Variants in FRAS1 observed in about 807,000 individuals in gnomAD.
FRAS1 encodes the protein extracellular matrix organizing protein FRAS1.
FRAS1 carries 290 observed loss-of-function variants against 435.2 expected under a neutral mutation model. The observed-to-expected ratio is 0.67, with a 90% CI of 0.61 to 0.73. The LOEUF (loss-of-function observed/expected upper bound fraction) is 0.73. Among genes scored for constraint, FRAS1 ranks in the 30% least tolerant of loss-of-function variants. The pLI is 0.00. For missense variants in FRAS1, 4,860 were observed against 5,001.5 expected (o/e 0.97, Z 0.85); for synonymous variants, 1,800 against 1,851.0 (o/e 0.97, Z 0.71).
intron 17 of FRAS1, 60 bp from the exon 18 acceptor site, chr4:78,318,750 A>G (rs143525371): frequency 5.4e-6 from 8 of 1,481,026 alleles, no homozygotes; most frequent in Non-Finnish European, 5.4e-6. Flanking sequence ...GATTTAATGA[A>G]AGATTTGCAA....
At chr4:78,138,467 G>A (rs1720020471) in intron 2 of FRAS1, among the ~76,000 whole-genome samples, 1 of 152,188 alleles carries the variant, frequency 6.6e-6, no homozygotes, top group African/African-American at 2.4e-5. Flanking sequence ...TCCAGGATAT[G>A]TGTAGAGAAA....
At chr4:78,485,801 A>T (rs1172790401) in intron 58 of FRAS1, among the ~76,000 whole-genome samples, 1 of 152,180 alleles carries the variant, frequency 6.6e-6, no homozygotes, top group Non-Finnish European at 1.5e-5. Context: ...CTGGTTTCAT[A>T]TCCTACTACG....
chr4:78,174,206 T>C (rs1721670582), intron 2 of FRAS1, among the ~76,000 whole-genome samples: 1 of 152,246 alleles, frequency 6.6e-6, no homozygotes, highest in African/African-American at 2.4e-5. Context: ...CTGCTTTAAC[T>C]TGGAAATGTG....
intron 14 of FRAS1, among the ~76,000 whole-genome samples, chr4:78,293,527 CT>C (rs1728001796): frequency 6.6e-6 from 1 of 152,126 alleles, no homozygotes; most frequent in Non-Finnish European, 1.5e-5. Context: ...TTTTTCTTCT[CT>C]TTTCCTCATG....
At chr4:78,195,120 C>A (rs186188622) in intron 2 of FRAS1, among the ~76,000 whole-genome samples, 1 of 152,178 alleles carries the variant, frequency 6.6e-6, no homozygotes, top group Non-Finnish European at 1.5e-5. Flanking sequence ...GCTGCCTGAT[C>A]GTTCCTCCGG....
At chr4:78,417,649 A>T (rs1733604781) in intron 32 of FRAS1, among the ~76,000 whole-genome samples, 1 of 152,212 alleles carries the variant, frequency 6.6e-6, no homozygotes, top group Non-Finnish European at 1.5e-5. Context: ...GGATTGTTCT[A>T]ACCTGCAAAT....
Position 78,522,639 on chromosome 4 carries a change from C to T in FRAS1, c.10649-10C>T. The T allele has an allele frequency of 6.3e-7, 1 of 1,592,604 alleles. No homozygotes were observed. The highest frequency in any genetic ancestry group is 2.3e-5 in the East Asian group (1 of 44,220). ...AGTACATTAAATGCATGTGTTTCCC[C>T]TTCAAATAGGACAGTTTGTGATGGA... is the stretch of plus-strand genomic sequence containing the variant. On this transcript the variant is annotated splice_polypyrimidine_tract_variant and intron_variant, in intron 68 of 73. Coordinates refer to ENST00000512123, the MANE Select transcript of FRAS1 (RefSeq NM_025074.7).
intron 2 of FRAS1, among the ~76,000 whole-genome samples, chr4:78,200,172 T>TAA (rs943046091): frequency 2.6e-5 from 4 of 152,236 alleles, no homozygotes; most frequent in Admixed American, 1.3e-4. Flanking sequence ...GATGAAATGT[T>TAA]ACTGTCGACA....
At chr4:78,462,914 C>T (rs1289431644) in intron 47 of FRAS1, among the ~76,000 whole-genome samples, 1 of 152,052 alleles carries the variant, frequency 6.6e-6, no homozygotes, top group African/African-American at 2.4e-5. Flanking sequence ...AAAGATAAAG[C>T]AGTGATACTG....
At chr4:78,483,721 A>T (rs1199699532) in intron 58 of FRAS1, among the ~76,000 whole-genome samples, 1 of 146,156 alleles carries the variant, frequency 6.8e-6, no homozygotes, top group Non-Finnish European at 1.5e-5. Context: ...GGAGACAACA[A>T]TTTTAACCAG....
At chr4:78,168,829 G>A (rs1377113066) in intron 2 of FRAS1, among the ~76,000 whole-genome samples, 1 of 152,084 alleles carries the variant, frequency 6.6e-6, no homozygotes, top group Non-Finnish European at 1.5e-5. Context: ...AGGCTAGGCA[G>A]GTGCTAAAAG....
Position 78,440,117 on chromosome 4 carries a change from G to A in FRAS1, c.5530-1045G>A, listed in dbSNP as rs6838355. Among the ~76,000 whole-genome samples, 1,254 of 141,654 alleles carry A rather than the reference G, an allele frequency of 8.9e-3. 8 individuals are homozygous for A. The highest frequency in any genetic ancestry group is 0.026 in the Middle Eastern group (7 of 268). 92.9% of individuals were successfully genotyped at this position (141,654 alleles called of 152,430 possible). A position where few individuals can be genotyped will look rare whatever the true frequency, so the allele number is the denominator to read the frequency against. On this transcript the variant is annotated intron_variant, in intron 40 of 73. Coordinates refer to ENST00000512123, the MANE Select transcript of FRAS1 (RefSeq NM_025074.7). Reference sequence around the variant, plus strand: ...GCAATCTCGGCTCACTGCAAGCTCCGCTTCCCGGGTTCACGCCATTCTCCT... The same window carrying A: ...GCAATCTCGGCTCACTGCAAGCTCCACTTCCCGGGTTCACGCCATTCTCCT...
intron 29 of FRAS1, among the ~76,000 whole-genome samples, chr4:78,400,399 T>G (rs1331570994): frequency 6.6e-6 from 1 of 152,182 alleles, no homozygotes. Flanking sequence ...AATAGGTGCT[T>G]AATGAATAAT....
Position 78,489,000 on chromosome 4 carries a change from C to T in FRAS1, c.8878C>T (p.His2960Tyr), listed in dbSNP as rs750818317. The change falls in exon 59 of 74, where the codon CAT (histidine) becomes TAT (tyrosine). Residue 2960 changes from histidine to tyrosine, a missense_variant. Transcript: ENST00000512123. ...ATCAGTGAGGTGCTATACTCAGAGCCATTCCGCTCAGGTCATGGAGGACTT... is the reference window on the plus strand; with the variant it reads ...ATCAGTGAGGTGCTATACTCAGAGCTATTCCGCTCAGGTCATGGAGGACTT... ...ESSVRCYTQS[H>Y]SAQVMEDFEE... 6.2e-7 allele frequency: 1 copy of T among 1,613,716 alleles called. No homozygotes were observed. Among genetic ancestry groups the T allele is most frequent in the Admixed American group, 1.7e-5 (1 of 59,982 alleles).
At position 78,237,337 on chromosome 4, in the gene FRAS1, A is replaced by G. The variant is rs375663009; in HGVS notation, c.109-173A>G. Among the ~76,000 whole-genome samples the G allele has an allele frequency of 3.0e-3, 452 of 152,118 alleles. 2 individuals carry two copies. Among genetic ancestry groups the G allele is most frequent in the African/African-American group, 0.011 (439 of 41,492 alleles). ...GACTATTGTGAAATGGATTATACTG[A>G]TTATATTGCCTTGTGGGGTTTAATC... On this transcript the variant is annotated intron_variant, in intron 2 of 73. Transcript: ENST00000512123.
intron 19 of FRAS1, among the ~76,000 whole-genome samples, chr4:78,334,886 G>A (rs1453343840): frequency 6.6e-6 from 1 of 151,782 alleles, no homozygotes; most frequent in Non-Finnish European, 1.5e-5. Flanking sequence ...AGCCTCTCAA[G>A]TAGCTGGAAC....
chr4:78,373,774 AAATAAT>A lies in FRAS1; in HGVS notation c.3011-320_3011-315del, dbSNP rs58619851. ...TGGGCAACAAGCAAAACTCCGTCTT[AAATAAT>A]AATAATAATAATAATAGTAATAGCT... On this transcript the variant is annotated intron_variant, in intron 24 of 73. Transcript: ENST00000512123. 5.3e-5 allele frequency among the ~76,000 whole-genome samples: 8 copies of A among 151,442 alleles called. No homozygotes were observed. In the East Asian group the frequency reaches 1.5e-3, roughly 29 times the overall value.
At chr4:78,230,646 C>A (rs1367534811) in intron 2 of FRAS1, among the ~76,000 whole-genome samples, 1 of 152,102 alleles carries the variant, frequency 6.6e-6, no homozygotes, top group Non-Finnish European at 1.5e-5. Context: ...TCCTGAAAAC[C>A]AGACTTGTCA....
chr4:78,244,072 CA>C (rs1230989563), intron 3 of FRAS1, among the ~76,000 whole-genome samples: 4 of 151,742 alleles, frequency 2.6e-5, no homozygotes, highest in Non-Finnish European at 4.4e-5. Flanking sequence ...TATCCTTTAT[CA>C]AAAAAATAGG....
Sources: gnomAD v4.1 joint callset for allele counts (sites outside exome capture counted in the v4.1 genomes callset) on GRCh38, gnomAD v4.1.1 for gene constraint, MANE v1.5 for transcripts, NCBI Gene and HGNC (gene_info 2026-07-23, HGNC 2026-07-21) for gene names.